The following LRRC4C variants were observed in gnomAD, a reference collection of about 807,000 sequenced individuals.
LRRC4C encodes leucine rich repeat containing 4C.
LRRC4C carries 5 observed loss-of-function variants against 33.6 expected under a neutral mutation model. The ratio of observed to expected loss-of-function variants is 0.15; its 90% CI spans 0.08 to 0.31. The LOEUF is 0.31. Among genes scored for constraint, LRRC4C ranks in the 10% least tolerant of loss-of-function variants. LRRC4C has a pLI of 1.00. For missense variants in LRRC4C, 560 were observed against 796.7 expected (o/e 0.70, Z 3.58); for synonymous variants, 329 against 302.0 (o/e 1.09, Z -0.93).
At chr11:40,136,336 G>A (rs1219605650) in intron 6 of LRRC4C, among the ~76,000 whole-genome samples, 1 of 151,810 alleles carries the variant, frequency 6.6e-6, no homozygotes, top group Non-Finnish European at 1.5e-5. Flanking sequence ...GCGCGATCTC[G>A]GCTCACTGCA....
intron 4 of LRRC4C, among the ~76,000 whole-genome samples, chr11:40,270,797 G>A (rs1197948725): frequency 6.6e-6 from 1 of 152,112 alleles, no homozygotes; most frequent in Non-Finnish European, 1.5e-5. Context: ...TGCTACCACA[G>A]CATCTATAGC....
intron 3 of LRRC4C, among the ~76,000 whole-genome samples, chr11:40,469,582 A>G (rs1952825029): frequency 6.6e-6 from 1 of 152,150 alleles, no homozygotes; most frequent in Non-Finnish European, 1.5e-5. Context: ...CAAGTGGTCT[A>G]GCTCAGTGGA....
chr11:40,164,718 T>C (rs144510958), intron 5 of LRRC4C, among the ~76,000 whole-genome samples: 13 of 152,304 alleles, frequency 8.5e-5, no homozygotes, highest in Admixed American at 1.3e-4. Context: ...TCGGGGACGA[T>C]TCTATATTTC....
At chr11:41,243,594 TA>T (rs1948336861) in intron 1 of LRRC4C, among the ~76,000 whole-genome samples, 1 of 152,188 alleles carries the variant, frequency 6.6e-6, no homozygotes, top group Admixed American at 6.5e-5. Flanking sequence ...AAAATTGCCT[TA>T]AAAGTCAATG....
rs376902489 is a variant in LRRC4C, at chr11:40,260,477, C to T, written c.-175-18879G>A. 2.0e-4 allele frequency among the ~76,000 whole-genome samples: 30 copies of T among 149,542 alleles called. No homozygotes were observed. The East Asian group carries it at 4.2e-3, about 21-fold the overall frequency. On this transcript the variant is annotated intron_variant, in intron 4 of 6. Transcript: ENST00000528697. ...CTAGATGACGAGTTAGTGGGTGCAGCGCACCAGCATGGCACATGTATACAT... is the reference window on the plus strand; with the variant it reads ...CTAGATGACGAGTTAGTGGGTGCAGTGCACCAGCATGGCACATGTATACAT...
At chr11:40,231,314 A>C (rs1452477) in intron 5 of LRRC4C, among the ~76,000 whole-genome samples, 116,080 of 152,028 alleles carry the variant, frequency 0.76, 48,698 homozygotes, top group East Asian at 0.96. Context: ...AACAAATTTT[A>C]TCAAAATTGG....
intron 3 of LRRC4C, among the ~76,000 whole-genome samples, chr11:40,482,917 AGG>A (rs1268877772): frequency 6.6e-6 from 1 of 152,220 alleles, no homozygotes; most frequent in Non-Finnish European, 1.5e-5. Context: ...CTTCAATGGG[AGG>A]AATGAGAAAT....
chr11:40,366,419 T>C (rs1948210952), intron 3 of LRRC4C, among the ~76,000 whole-genome samples: 1 of 152,028 alleles, frequency 6.6e-6, no homozygotes, highest in South Asian at 2.1e-4. Flanking sequence ...GAAGTTGAGG[T>C]TCAGAATAGA....
At chr11:40,361,599 C>T (rs1947952221) in intron 3 of LRRC4C, among the ~76,000 whole-genome samples, 1 of 152,030 alleles carries the variant, frequency 6.6e-6, no homozygotes, top group African/African-American at 2.4e-5. Flanking sequence ...TCAAAGAAAT[C>T]AGAGATAACA....
intron 3 of LRRC4C, among the ~76,000 whole-genome samples, chr11:40,475,083 C>A (rs548851177): frequency 1.0e-3 from 154 of 152,220 alleles, no homozygotes; most frequent in African/African-American, 3.0e-3. Context: ...ACCATTTGAT[C>A]CAGCAATCCC....
chr11:40,705,410 A>C (rs188781664), intron 2 of LRRC4C, among the ~76,000 whole-genome samples: 1 of 151,936 alleles, frequency 6.6e-6, no homozygotes, highest in South Asian at 2.1e-4. Flanking sequence ...CCTGTGTCCA[A>C]GTGTTCTCAT....
intron 2 of LRRC4C, among the ~76,000 whole-genome samples, chr11:40,722,520 G>A (rs1947073163): frequency 6.6e-6 from 1 of 152,128 alleles, no homozygotes; most frequent in African/African-American, 2.4e-5. Context: ...AAAGCACCCA[G>A]AAACAAAGAC....
chr11:40,273,101 A>C (rs1382368251), intron 4 of LRRC4C, among the ~76,000 whole-genome samples: 2 of 152,184 alleles, frequency 1.3e-5, no homozygotes, highest in African/African-American at 4.8e-5. Flanking sequence ...CTTTAAATAC[A>C]CTTTAAGCTT....
intron 1 of LRRC4C, among the ~76,000 whole-genome samples, chr11:41,156,043 C>A (rs982114779): frequency 2.0e-5 from 3 of 152,062 alleles, no homozygotes; most frequent in African/African-American, 7.2e-5. Context: ...TTTTGTTATT[C>A]AGCTTTGTGT....
At chr11:40,199,365 C>A (rs752217151) in intron 5 of LRRC4C, among the ~76,000 whole-genome samples, 1 of 152,142 alleles carries the variant, frequency 6.6e-6, no homozygotes, top group Non-Finnish European at 1.5e-5. Flanking sequence ...ACCACTGCGC[C>A]CAGCCTGGCA....
At position 41,007,798 on chromosome 11, in the gene LRRC4C, C is replaced by T. The variant is rs118141367; in HGVS notation, c.-495-74075G>A. ...TTACTCTGAAATTTAGACATCTAGT[C>T]ATAATCTCTTCCTGAACTCAAGGTT... On this transcript the variant is annotated intron_variant, in intron 1 of 6. Transcript: ENST00000528697. Among the ~76,000 whole-genome samples, 987 of 152,218 alleles carry T rather than the reference C, an allele frequency of 6.5e-3. 5 individuals are homozygous for T. Among genetic ancestry groups the T allele is most frequent in the Non-Finnish European group, 0.01 (694 of 67,986 alleles).
intron 3 of LRRC4C, among the ~76,000 whole-genome samples, chr11:40,363,746 A>C (rs924414489): frequency 2.6e-5 from 4 of 152,138 alleles, no homozygotes; most frequent in Non-Finnish European, 5.9e-5. Context: ...CTCAAAGAAC[A>C]CTTGCCCGGT....
At chr11:41,126,308 C>T (rs1942739053) in intron 1 of LRRC4C, among the ~76,000 whole-genome samples, 1 of 151,896 alleles carries the variant, frequency 6.6e-6, no homozygotes, top group South Asian at 2.1e-4. Flanking sequence ...GGTTGTAAAA[C>T]TTCTTGTAAG....
chr11:40,690,063 G>A (rs1193650691), intron 2 of LRRC4C, among the ~76,000 whole-genome samples: 2 of 152,180 alleles, frequency 1.3e-5, no homozygotes, highest in Non-Finnish European at 2.9e-5. Flanking sequence ...CCAGTAGAAA[G>A]GTTGCACCCA....
Sources: gnomAD v4.1 joint callset for allele counts (sites outside exome capture counted in the v4.1 genomes callset) on GRCh38, gnomAD v4.1.1 for gene constraint, MANE v1.5 for transcripts, NCBI Gene and HGNC (gene_info 2026-07-23, HGNC 2026-07-21) for gene names.